CHN1: variants seen among roughly 807,000 people sequenced by gnomAD.
CHN1 encodes chimerin 1.
A neutral mutation model predicts 59.5 loss-of-function variants in CHN1; 37 were observed. The observed-to-expected ratio is 0.62, with a 90% CI of 0.48 to 0.82. The LOEUF is 0.82. CHN1 is among the 40% of genes least tolerant of loss of function. CHN1 has a pLI of 0.00. For synonymous variants in CHN1, 206 were observed against 200.4 expected (o/e 1.03, Z -0.24); for missense variants, 469 against 571.0 (o/e 0.82, Z 1.82).
chr2:174,803,206 T>A (rs1233356456), intron 11 of CHN1, among the ~76,000 whole-genome samples: 2 of 152,128 alleles, frequency 1.3e-5, no homozygotes, highest in Non-Finnish European at 2.9e-5. Context: ...ACCAACTCAA[T>A]AGTAATGAAT....
At chr2:174,854,507 TTTTCAC>T (rs1686838423) in intron 6 of CHN1, among the ~76,000 whole-genome samples, 1 of 152,184 alleles carries the variant, frequency 6.6e-6, no homozygotes, top group Admixed American at 6.6e-5. Flanking sequence ...TAGCGTCTCA[TTTTCAC>T]CAAGTGTGGT....
At chr2:174,801,482 G>T (rs1311163454) in intron 12 of CHN1, among the ~76,000 whole-genome samples, 1 of 152,138 alleles carries the variant, frequency 6.6e-6, no homozygotes, top group Admixed American at 6.5e-5. Context: ...AACATATACT[G>T]GAACTGCAAA....
chr2:174,986,760 G>A (rs372463293), intron 1 of CHN1, among the ~76,000 whole-genome samples: 4 of 152,118 alleles, frequency 2.6e-5, no homozygotes, highest in African/African-American at 4.8e-5. Flanking sequence ...GTTTTGAGAC[G>A]GAGTCTCACT....
At chr2:174,993,161 A>G (rs1011561052) in intron 1 of CHN1, among the ~76,000 whole-genome samples, 2 of 138,518 alleles carry the variant, frequency 1.4e-5, no homozygotes, top group Non-Finnish European at 3.0e-5. Flanking sequence ...ACATGCCCTC[A>G]GTAAGAATCC....
intron 5 of CHN1, among the ~76,000 whole-genome samples, chr2:174,890,589 A>G (rs1688016462): frequency 6.6e-6 from 1 of 152,200 alleles, no homozygotes; most frequent in Admixed American, 6.5e-5. Context: ...ATACAAAGCT[A>G]ACACTGACAG....
chr2:174,970,262 T>C (rs369928430), intron 1 of CHN1, among the ~76,000 whole-genome samples: 1 of 152,208 alleles, frequency 6.6e-6, no homozygotes, highest in Non-Finnish European at 1.5e-5. Context: ...TCTGAGGTCA[T>C]TGGGGTTGTG....
intron 6 of CHN1, among the ~76,000 whole-genome samples, chr2:174,870,100 C>T (rs1687357361): frequency 6.6e-6 from 1 of 152,182 alleles, no homozygotes; most frequent in South Asian, 2.1e-4. Context: ...AAACCTACAG[C>T]ATTTAGTGAA....
intron 7 of CHN1, among the ~76,000 whole-genome samples, chr2:174,842,306 G>A (rs1187311768): frequency 6.6e-6 from 1 of 152,122 alleles, no homozygotes. Flanking sequence ...TTCTGAATAC[G>A]ACATTTCACT....
rs372398464 is a variant in CHN1 at position 174,972,756 on chromosome 2, A to T, written c.20-20554T>A. ...CAAGGCTAAGCGTTATCACGTAAGG[A>T]ATTATACTACATAACCTTATCAGAG... On this transcript the variant is annotated intron_variant, in intron 1 of 12. Transcript: ENST00000409900. Among the ~76,000 whole-genome samples, 8 of 152,314 alleles carry T rather than the reference A, an allele frequency of 5.3e-5. No individual in the cohort carries two copies. In the South Asian group the frequency reaches 1.7e-3, roughly 32 times the overall value.
intron 6 of CHN1, among the ~76,000 whole-genome samples, chr2:174,877,161 T>C (rs900674446): frequency 9.2e-5 from 14 of 152,156 alleles, no homozygotes; most frequent in African/African-American, 3.4e-4. Context: ...AAAATAATCT[T>C]AATGCCAAGA....
chr2:174,967,848 T>G (rs961455183), intron 1 of CHN1, among the ~76,000 whole-genome samples: 1 of 152,230 alleles, frequency 6.6e-6, no homozygotes, highest in Non-Finnish European at 1.5e-5. Flanking sequence ...TCCTAACCCA[T>G]GCTTTCCCCA....
At chr2:174,842,874 G>A (rs528135100) in intron 7 of CHN1, among the ~76,000 whole-genome samples, 1 of 152,170 alleles carries the variant, frequency 6.6e-6, no homozygotes, top group South Asian at 2.1e-4. Flanking sequence ...CTGTTATCTT[G>A]GCAACACTAA....
At chr2:174,888,391 A>G (rs1687951699) in intron 5 of CHN1, among the ~76,000 whole-genome samples, 1 of 152,310 alleles carries the variant, frequency 6.6e-6, no homozygotes, top group Non-Finnish European at 1.5e-5. Context: ...ACTCGGAAGG[A>G]TGACAAGAAC....
At chr2:174,947,801 T>C (rs1344188693) in intron 2 of CHN1, among the ~76,000 whole-genome samples, 1 of 152,096 alleles carries the variant, frequency 6.6e-6, no homozygotes, top group East Asian at 1.9e-4. Flanking sequence ...GGATATTTTA[T>C]AACAAATATA....
At chr2:174,835,052 T>G (rs1388671608) in intron 7 of CHN1, among the ~76,000 whole-genome samples, 1 of 152,152 alleles carries the variant, frequency 6.6e-6, no homozygotes, top group Non-Finnish European at 1.5e-5. Context: ...TGGGGTTACA[T>G]GTCAATAAAC....
chr2:174,961,124 G>GGAAGGAAGGGAGGAAGGGAAGGGAGGGAA (rs1690386448), intron 1 of CHN1, among the ~76,000 whole-genome samples: 8 of 148,800 alleles, frequency 5.4e-5, no homozygotes, highest in Admixed American at 4.7e-4. Context: ...ACGGAGGGAA[G>GGAAGGAAGGGAGGAAGGGAAGGGAGGGAA]GAAGGAAGGG....
intron 5 of CHN1, among the ~76,000 whole-genome samples, chr2:174,910,309 T>C (rs898554488): frequency 2.0e-5 from 3 of 152,172 alleles, no homozygotes; most frequent in African/African-American, 2.4e-5. Context: ...GAACCAACAT[T>C]GACAGACAGC....
At chr2:174,981,701 C>T (rs566337402) in intron 1 of CHN1, among the ~76,000 whole-genome samples, 128 of 152,236 alleles carry the variant, frequency 8.4e-4, no homozygotes, top group African/African-American at 2.9e-3. Context: ...TGCCCATTAA[C>T]TTAGGAAGCA....
At chr2:174,890,117 G>C (rs1414137527) in intron 5 of CHN1, among the ~76,000 whole-genome samples, 1 of 152,118 alleles carries the variant, frequency 6.6e-6, no homozygotes, top group Admixed American at 6.5e-5. Context: ...CTCTCCAGTT[G>C]AAAGATAGAG....
Sources: allele counts gnomAD v4.1 joint callset (sites outside exome capture counted in the v4.1 genomes callset), GRCh38; gene constraint gnomAD v4.1.1; transcripts MANE v1.5; gene names NCBI Gene and HGNC (gene_info 2026-07-23, HGNC 2026-07-21).